Variants in OTOA observed in about 807,000 individuals in gnomAD.
OTOA encodes cancer/testis antigen 108.
Under a neutral mutation model 110.8 loss-of-function variants are expected in OTOA, and 70 were observed. The observed-to-expected ratio is 0.63, with a 90% CI of 0.52 to 0.77. The LOEUF is 0.77. Among genes scored for constraint, OTOA ranks in the 30% least tolerant of loss-of-function variants. The probability of loss-of-function intolerance (pLI) is 0.00; values close to 1 mark genes in which losing one functional copy is unlikely to be tolerated. For synonymous variants in OTOA, 373 were observed against 431.5 expected (o/e 0.86, Z 1.68); for missense variants, 917 against 1,075.8 (o/e 0.85, Z 2.06).
chr16:21,678,469 T>C (rs778586869), intron 1 of OTOA, 42 bp from the exon 2 acceptor site: 7 of 990,468 alleles, frequency 7.1e-6, no homozygotes, highest in Non-Finnish European at 1.1e-5. Context: ...TATATATATA[T>C]TAAAAAAACA....
intron 1 of OTOA, among the ~76,000 whole-genome samples, chr16:21,667,342 G>A (rs1006229647): frequency 1.3e-5 from 2 of 152,210 alleles, no homozygotes; most frequent in African/African-American, 4.8e-5. Flanking sequence ...ACAATACGAG[G>A]GAAATCTGTA....
At chr16:21,694,516 T>A (rs215890) in intron 9 of OTOA, among the ~76,000 whole-genome samples, 45,797 of 152,056 alleles carry the variant, frequency 0.3, 8,275 homozygotes, top group South Asian at 0.43. Context: ...GGTGATGGGC[T>A]GAGTTTGCCC....
At chr16:21,711,193 G>C (rs906938341) in intron 13 of OTOA, among the ~76,000 whole-genome samples, 1 of 152,170 alleles carries the variant, frequency 6.6e-6, no homozygotes, top group African/African-American at 2.4e-5. Flanking sequence ...TTTCCTGCCT[G>C]CTGTTAAGCT....
intron 18 of OTOA, 72 bp from the exon 19 acceptor site, chr16:21,726,451 G>A: frequency 1.3e-6 from 2 of 1,589,760 alleles, no homozygotes; most frequent in East Asian, 2.2e-5. Context: ...TCTTGGGCAG[G>A]CGGACCCTGA....
rs754551924 is a variant in OTOA, at chr16:21,692,367, T to C, written c.739+680T>C. Among the ~76,000 whole-genome samples, 256 of 151,746 alleles carry C rather than the reference T, an allele frequency of 1.7e-3. 3 individuals are homozygous for C. The highest frequency in any genetic ancestry group is 1.9e-3 in the Non-Finnish European group (129 of 67,916). On this transcript the variant is annotated intron_variant, in intron 9 of 28. Coordinates refer to ENST00000646100, the MANE Select transcript of OTOA (RefSeq NM_144672.4). ...AGAGAGAGACAGAAGAGAATTTTAT[T>C]AGGAAATCTAGGCAATAAAACACAG... is the stretch of plus-strand genomic sequence containing the variant.
chr16:21,713,457 G>T (rs1170554220), intron 13 of OTOA, among the ~76,000 whole-genome samples: 1 of 152,156 alleles, frequency 6.6e-6, no homozygotes, highest in Non-Finnish European at 1.5e-5. Context: ...CCATCGCGGG[G>T]CCAAGGGAGG....
At chr16:21,676,844 C>A (rs138430459) in intron 1 of OTOA, among the ~76,000 whole-genome samples, 2 of 152,250 alleles carry the variant, frequency 1.3e-5, no homozygotes, top group African/African-American at 4.8e-5. Flanking sequence ...ATGGAGACTC[C>A]AGGCAGTGAG....
At chr16:21,679,334 AT>A in intron 5 of OTOA, 123 bp downstream of exon 5, 1 of 1,126,876 alleles carries the variant, frequency 8.9e-7, no homozygotes, top group Non-Finnish European at 1.3e-6. Context: ...TCAATGCACA[AT>A]GTGTTAAAAG....
intron 13 of OTOA, among the ~76,000 whole-genome samples, chr16:21,711,658 G>C (rs1211919967): frequency 6.6e-6 from 1 of 152,066 alleles, no homozygotes; most frequent in African/African-American, 2.4e-5. Flanking sequence ...TAGTAGAGAC[G>C]AGGTTTCGCC....
chr16:21,691,707 T>TG lies in OTOA; in HGVS notation c.739+24dup. The stretch of plus-strand genomic sequence containing the variant: ...CCACTGGTGAGCCTGTACTTGGAGG[T>TG]GGGGTCACTTTTTGGGGGAAGAATA... On this transcript the variant is annotated intron_variant, in intron 9 of 28. Transcript: ENST00000646100. 1 of 1,593,186 alleles carries TG rather than the reference T, an allele frequency of 6.3e-7. No individual in the cohort carries two copies. The highest frequency in any genetic ancestry group is 8.6e-7 in the Non-Finnish European group (1 of 1,161,584).
chr16:21,685,084 T>C (rs746099623), intron 6 of OTOA, 146 bp from the exon 7 acceptor site: 7 of 1,136,878 alleles, frequency 6.2e-6, no homozygotes, highest in Non-Finnish European at 8.9e-6. Flanking sequence ...AATGAGGAAA[T>C]TTGGAGGTGG....
chr16:21,673,664 A>T (rs1966852237), intron 1 of OTOA, among the ~76,000 whole-genome samples: 1 of 152,218 alleles, frequency 6.6e-6, no homozygotes, highest in African/African-American at 2.4e-5. Context: ...AGTAGTATTC[A>T]ATGGCGTGGA....
At chr16:21,682,160 C>G (rs1359815463) in intron 6 of OTOA, among the ~76,000 whole-genome samples, 1 of 152,206 alleles carries the variant, frequency 6.6e-6, no homozygotes, top group Non-Finnish European at 1.5e-5. Context: ...AAAGGCAGCT[C>G]TATTCCATGA....
At chr16:21,715,291 C>T in intron 14 of OTOA, 139 bp downstream of exon 14, 1 of 1,099,298 alleles carries the variant, frequency 9.1e-7, no homozygotes, top group Non-Finnish European at 1.4e-6. Flanking sequence ...GCTCTGCCTT[C>T]TCCTGGTGGC....
chr16:21,727,947 C>T (rs577534492), intron 19 of OTOA, among the ~76,000 whole-genome samples: 47 of 151,674 alleles, frequency 3.1e-4, no homozygotes, highest in Non-Finnish European at 5.2e-4. Flanking sequence ...TCACTGCGAC[C>T]TCTGCCTCCC....
chr16:21,754,086 CTA>C (rs1344710214), intron 27 of OTOA, among the ~76,000 whole-genome samples: 2 of 136,328 alleles, frequency 1.5e-5, no homozygotes, highest in Admixed American at 7.4e-5. Flanking sequence ...ATATTTTTTT[CTA>C]TATATATATA....
chr16:21,715,951 C>G (rs751747874), intron 14 of OTOA, among the ~76,000 whole-genome samples: 5 of 152,068 alleles, frequency 3.3e-5, no homozygotes, highest in Non-Finnish European at 5.9e-5. Flanking sequence ...GCTCTATTAC[C>G]CCAGCCAGCA....
At chr16:21,699,294 G>A (rs1183982473) in intron 10 of OTOA, among the ~76,000 whole-genome samples, 1 of 152,118 alleles carries the variant, frequency 6.6e-6, no homozygotes, top group Non-Finnish European at 1.5e-5. Context: ...ATCCACAAAG[G>A]AGAGACAACT....
intron 9 of OTOA, among the ~76,000 whole-genome samples, chr16:21,692,864 G>A (rs984529478): frequency 5.8e-5 from 8 of 138,974 alleles, no homozygotes; most frequent in Non-Finnish European, 1.1e-4. Context: ...GGAGGTGGAG[G>A]TTACAGTGAA....
Sources: gnomAD v4.1 joint callset for allele counts (sites outside exome capture counted in the v4.1 genomes callset) on GRCh38, gnomAD v4.1.1 for gene constraint, MANE v1.5 for transcripts, NCBI Gene and HGNC (gene_info 2026-07-23, HGNC 2026-07-21) for gene names.